The following SCAF8 variants were observed in gnomAD, a reference collection of about 807,000 sequenced individuals.
The protein encoded by SCAF8 is SR-related and CTD-associated factor 8.
SCAF8 carries 23 observed loss-of-function variants against 140.5 expected under a neutral mutation model. The observed-to-expected ratio is 0.16, with a 90% CI of 0.12 to 0.23. SCAF8 has a LOEUF of 0.23. Ranked by LOEUF, SCAF8 falls within the 10% of genes least tolerant of loss-of-function variation. The probability of loss-of-function intolerance (pLI) is 1.00; values close to 1 mark genes in which losing one functional copy is unlikely to be tolerated. For missense variants in SCAF8, 1,397 were observed against 1,555.7 expected, an observed-to-expected ratio of 0.90 and a Z score of 1.72; for synonymous variants, 575 against 528.9, an observed-to-expected ratio of 1.09 and a Z score of -1.20.
rs1483043993 is a variant in SCAF8, at chr6:154,777,996, T to C, written c.115-5T>C. 2.7e-6 allele frequency: 4 copies of C among 1,494,124 alleles called. No individual in the cohort carries two copies. Among genetic ancestry groups the C allele is most frequent in the South Asian group, 1.2e-5 (1 of 86,206 alleles). The allele number at this position is 1,494,124 out of a possible 1,614,324, so 92.6% of individuals were successfully genotyped here. Reference sequence around the variant, plus strand: ...AAACCATACTTCATTTTTTTCCTCTTTTAGTTCTATAAACATGTGGTACAG... The same window carrying C: ...AAACCATACTTCATTTTTTTCCTCTCTTAGTTCTATAAACATGTGGTACAG... On this transcript the variant is annotated splice_polypyrimidine_tract_variant and splice_region_variant and intron_variant, in intron 2 of 19. Transcript: ENST00000367178.
intron 1 of SCAF8, among the ~76,000 whole-genome samples, chr6:154,743,871 G>C (rs1215104472): frequency 2.0e-5 from 3 of 152,106 alleles, no homozygotes; most frequent in Admixed American, 6.5e-5. Context: ...TTTTGAATAA[G>C]TAATTTTGTT....
intron 6 of SCAF8, among the ~76,000 whole-genome samples, chr6:154,801,139 G>C (rs575580220): frequency 9.9e-5 from 15 of 151,540 alleles, no homozygotes; most frequent in African/African-American, 3.1e-4. Flanking sequence ...CATTTTAATA[G>C]TTTTATAGAA....
chr6:154,833,775 A>G lies in SCAF8; in HGVS notation c.*380A>G, dbSNP rs1372783037. 6.0e-6 allele frequency: 1 copy of G among 166,918 alleles called. No homozygotes were observed. Among genetic ancestry groups the G allele is most frequent in the Non-Finnish European group, 1.3e-5 (1 of 77,456 alleles). The allele number at this position is 166,918 out of a possible 1,614,324, so 10.3% of individuals were successfully genotyped here. ...TAGCAAGTGGTGGTATATCTTATCC[A>G]TATCTTTAGGCTGCTGCAGAATTTT... is the stretch of plus-strand genomic sequence containing the variant. On this transcript the variant is annotated 3_prime_UTR_variant, in exon 20 of 20. Coordinates refer to ENST00000367178, the MANE Select transcript of SCAF8 (RefSeq NM_014892.5).
chr6:154,763,351 A>T (rs1776460733), intron 1 of SCAF8, among the ~76,000 whole-genome samples: 1 of 152,176 alleles, frequency 6.6e-6, no homozygotes, highest in Admixed American at 6.5e-5. Flanking sequence ...GGGGATTCTA[A>T]TCAGTACTCT....
chr6:154,824,225 C>G lies in SCAF8; in HGVS notation c.1927-9C>G. On this transcript the variant is annotated splice_polypyrimidine_tract_variant and intron_variant, in intron 16 of 19. Transcript: ENST00000367178. ...CTGATGAGTGAACTTTTTTGTCTAT[C>G]CACAAAAGATTCCAGTGGCGCCAGC... The G allele has an allele frequency of 6.2e-7, 1 of 1,612,158 alleles. No individual in the cohort carries two copies.
At chr6:154,761,739 TATAA>T (rs1045493161) in intron 1 of SCAF8, among the ~76,000 whole-genome samples, 10 of 152,222 alleles carry the variant, frequency 6.6e-5, no homozygotes, top group African/African-American at 1.9e-4. Context: ...AAATATTTTT[TATAA>T]ATAAATTTGA....
At chr6:154,800,029 G>GC (rs1439413798) in intron 6 of SCAF8, among the ~76,000 whole-genome samples, 2 of 150,998 alleles carry the variant, frequency 1.3e-5, no homozygotes, top group African/African-American at 4.8e-5. Flanking sequence ...TAAGTGATCC[G>GC]CCCGCCTCGG....
At chr6:154,831,830 G>C in intron 19 of SCAF8, 109 bp from the exon 20 acceptor site, 2 of 762,810 alleles carry the variant, frequency 2.6e-6, no homozygotes, top group African/African-American at 3.6e-5. Context: ...ATGTCATGTA[G>C]TAGCTAATGT....
At chr6:154,813,039 CAAA>C (rs35659449) in intron 12 of SCAF8, among the ~76,000 whole-genome samples, 6 of 138,632 alleles carry the variant, frequency 4.3e-5, no homozygotes, top group African/African-American at 7.9e-5. Context: ...TCACTACCGC[CAAA>C]AAAAAAAAAA....
At chr6:154,827,269 T>C in intron 18 of SCAF8, 29 bp downstream of exon 18, 1 of 1,472,288 alleles carries the variant, frequency 6.8e-7, no homozygotes, top group Non-Finnish European at 9.3e-7. Flanking sequence ...GAGTTTTCTT[T>C]ATTCATGGTA....
Position 154,798,374 on chromosome 6 carries a change from A to G in SCAF8, c.606+3235A>G, listed in dbSNP as rs372762067. Among the ~76,000 whole-genome samples the G allele has an allele frequency of 3.2e-4, 49 of 151,460 alleles. 1 individual carries two copies. In the South Asian group the frequency reaches 8.1e-3, roughly 25 times the overall value. On this transcript the variant is annotated intron_variant, in intron 6 of 19. Transcript: ENST00000367178. ...CTAAGGATGAGCTACGTAGACAGAGACAATTGAGAGTAAACAGTGAATTCT... is the reference window on the plus strand; with the variant it reads ...CTAAGGATGAGCTACGTAGACAGAGGCAATTGAGAGTAAACAGTGAATTCT...
intron 1 of SCAF8, among the ~76,000 whole-genome samples, chr6:154,739,457 A>C (rs1017388914): frequency 6.6e-6 from 1 of 152,312 alleles, no homozygotes; most frequent in East Asian, 1.9e-4. Context: ...ATTACAATGT[A>C]GCCTTTCCCC....
chr6:154,751,175 TCTGTAACTGGGTTCC>T (rs1182237284), intron 1 of SCAF8, among the ~76,000 whole-genome samples: 1 of 152,186 alleles, frequency 6.6e-6, no homozygotes, highest in Admixed American at 6.5e-5. Context: ...TAGTTGTGGT[TCTGTAACTGGGTTCC>T]CTGTTAACTG....
chr6:154,773,282 T>A (rs146856864), intron 1 of SCAF8, among the ~76,000 whole-genome samples: 1 of 152,234 alleles, frequency 6.6e-6, no homozygotes, highest in Non-Finnish European at 1.5e-5. Flanking sequence ...TTTCTGGATA[T>A]TACATATAAA....
chr6:154,822,237 A>G (rs1778438751), intron 15 of SCAF8, 39 bp from the exon 16 acceptor site: 6 of 1,574,858 alleles, frequency 3.8e-6, no homozygotes, highest in Non-Finnish European at 5.2e-6. Context: ...GAAAAGTTGC[A>G]CCTATCCAAA....
chr6:154,818,155 G>A (rs1308112483), intron 13 of SCAF8, among the ~76,000 whole-genome samples: 1 of 152,096 alleles, frequency 6.6e-6, no homozygotes, highest in Non-Finnish European at 1.5e-5. Flanking sequence ...TTATGTATAC[G>A]AAGTTATACA....
At chr6:154,777,888 TTAAGA>T (rs537075442) in intron 2 of SCAF8, 108 bp from the exon 3 acceptor site, 495 of 669,264 alleles carry the variant, frequency 7.4e-4, no homozygotes, top group Non-Finnish European at 1.2e-3. Context: ...AAATTCTTGG[TTAAGA>T]TAATTGTTTT....
intron 1 of SCAF8, among the ~76,000 whole-genome samples, chr6:154,735,659 G>T (rs1778396906): frequency 6.6e-6 from 1 of 151,358 alleles, no homozygotes; most frequent in Admixed American, 6.6e-5. Flanking sequence ...GATTACAGGC[G>T]CACATCACCA....
At position 154,818,541 on chromosome 6, in the gene SCAF8, T is replaced by G; in HGVS notation, c.1584T>G (p.Ala528=). 2 of 1,609,744 alleles carry G rather than the reference T, an allele frequency of 1.2e-6. No individual in the cohort carries two copies. The highest frequency in any genetic ancestry group is 1.7e-6 in the Non-Finnish European group (2 of 1,177,988). Residue 528 remains alanine, a synonymous_variant, in exon 14 of 20, where the codon GCT becomes GCG. Transcript: ENST00000367178. ...CMVHRQDAFR[A]LQKLSSGSYK... ...TTCATCGACAAGATGCATTTCGAGC[T>G]CTTCAGAAACTCAGTTCTGGATCAT... is the stretch of plus-strand genomic sequence containing the variant.
Sources: allele counts gnomAD v4.1 joint callset (sites outside exome capture counted in the v4.1 genomes callset), GRCh38; gene constraint gnomAD v4.1.1; transcripts MANE v1.5; gene names NCBI Gene and HGNC (gene_info 2026-07-23, HGNC 2026-07-21).